Variants in MCTP1 observed in about 807,000 individuals in gnomAD.
MCTP1 encodes multiple C2 and transmembrane domain containing 1.
Under a neutral mutation model 120.6 loss-of-function variants are expected in MCTP1, and 69 were observed. The ratio of observed to expected loss-of-function variants is 0.57; its 90% CI spans 0.47 to 0.70. The LOEUF is 0.70. Ranked by LOEUF, MCTP1 falls within the 30% of genes least tolerant of loss-of-function variation. The pLI, the probability that MCTP1 is intolerant of heterozygous loss-of-function variation, is 0.00. For synonymous variants in MCTP1, 529 were observed against 493.1 expected (o/e 1.07, Z -0.96); for missense variants, 1,203 against 1,248.8 (o/e 0.96, Z 0.55).
At chr5:95,186,731 C>T (rs1189850208) in intron 1 of MCTP1, among the ~76,000 whole-genome samples, 3 of 152,158 alleles carry the variant, frequency 2.0e-5, no homozygotes, top group Non-Finnish European at 4.4e-5. Flanking sequence ...ACAGAAATCA[C>T]TCTGCCTTTT....
intron 1 of MCTP1, among the ~76,000 whole-genome samples, chr5:95,031,032 G>T (rs1392022393): frequency 1.3e-5 from 2 of 151,046 alleles, no homozygotes; most frequent in East Asian, 1.9e-4. Context: ...CCAAGCAAAA[G>T]AATGAATTTC....
chr5:95,114,433 G>A (rs1757672682), intron 1 of MCTP1, among the ~76,000 whole-genome samples: 1 of 152,182 alleles, frequency 6.6e-6, no homozygotes, highest in Non-Finnish European at 1.5e-5. Flanking sequence ...TGCCCTGAAG[G>A]GTGAGTAGCA....
At chr5:94,717,432 G>C (rs1196205218) in intron 19 of MCTP1, among the ~76,000 whole-genome samples, 1 of 152,098 alleles carries the variant, frequency 6.6e-6, no homozygotes, top group Non-Finnish European at 1.5e-5. Flanking sequence ...ATGGGCAAAA[G>C]CTGGTAGCAT....
intron 1 of MCTP1, among the ~76,000 whole-genome samples, chr5:95,089,996 C>G (rs957881680): frequency 6.6e-5 from 10 of 152,152 alleles, no homozygotes; most frequent in Admixed American, 3.9e-4. Flanking sequence ...GGCCTCTCCC[C>G]AGGGCCCCAT....
intron 19 of MCTP1, among the ~76,000 whole-genome samples, chr5:94,766,278 G>A (rs1772684603): frequency 6.6e-6 from 1 of 152,124 alleles, no homozygotes; most frequent in Admixed American, 6.5e-5. Flanking sequence ...CAACCCAAAT[G>A]TCCATCAATG....
At chr5:94,723,555 G>C (rs983361893) in intron 19 of MCTP1, among the ~76,000 whole-genome samples, 3 of 149,436 alleles carry the variant, frequency 2.0e-5, no homozygotes, top group Admixed American at 2.0e-4. Context: ...ACTTGGCAGA[G>C]TTTTTTTTTT....
At chr5:94,916,414 C>T (rs1179299219) in intron 8 of MCTP1, among the ~76,000 whole-genome samples, 1 of 152,074 alleles carries the variant, frequency 6.6e-6, no homozygotes, top group African/African-American at 2.4e-5. Context: ...ACTAACAACA[C>T]TTTTCTGTGT....
chr5:94,826,717 A>G (rs947589138), intron 17 of MCTP1: 1 of 464,740 alleles, frequency 2.2e-6, no homozygotes, highest in Non-Finnish European at 3.8e-6. Flanking sequence ...AAAAAGAGGA[A>G]GTTGACACAT....
rs185813481 is a variant in MCTP1 at position 95,211,628 on chromosome 5, C to G, written c.720+72228G>C. On this transcript the variant is annotated intron_variant, in intron 1 of 22. Transcript: ENST00000515393. Reference sequence around the variant, plus strand: ...CTTTGCCTTTGGTTTGAATTTCCTCCTGTAGCTCAGAGTAGTTTGATCATC... The same window carrying G: ...CTTTGCCTTTGGTTTGAATTTCCTCGTGTAGCTCAGAGTAGTTTGATCATC... Among the ~76,000 whole-genome samples the G allele has an allele frequency of 7.2e-5, 11 of 152,274 alleles. No individual in the cohort carries two copies. The East Asian group carries it at 1.9e-3, about 27-fold the overall frequency.
chr5:95,080,342 C>T (rs1313465710), intron 1 of MCTP1, among the ~76,000 whole-genome samples: 1 of 152,138 alleles, frequency 6.6e-6, no homozygotes, highest in Non-Finnish European at 1.5e-5. Context: ...GCAAAGGAAG[C>T]AGTATTCTCC....
chr5:95,058,723 T>C (rs1439967297), intron 1 of MCTP1, among the ~76,000 whole-genome samples: 1 of 152,218 alleles, frequency 6.6e-6, no homozygotes, highest in Non-Finnish European at 1.5e-5. Flanking sequence ...TCCCTTCCTG[T>C]GCCTTTCATT....
chr5:95,125,395 C>T (rs1331339956), intron 1 of MCTP1, among the ~76,000 whole-genome samples: 1 of 152,074 alleles, frequency 6.6e-6, no homozygotes, highest in Non-Finnish European at 1.5e-5. Flanking sequence ...AACTAACTGA[C>T]CTTAGCTGCC....
chr5:95,072,918 T>G (rs1375717395), intron 1 of MCTP1, among the ~76,000 whole-genome samples: 1 of 152,028 alleles, frequency 6.6e-6, no homozygotes, highest in Admixed American at 6.5e-5. Context: ...GCTAATTTTT[T>G]GTATTTTTAG....
chr5:94,814,077 G>T (rs1286887990), intron 17 of MCTP1, among the ~76,000 whole-genome samples: 1 of 152,172 alleles, frequency 6.6e-6, no homozygotes, highest in Non-Finnish European at 1.5e-5. Context: ...ATCCTCTGAG[G>T]TGATGGTTGT....
intron 1 of MCTP1, among the ~76,000 whole-genome samples, chr5:95,246,452 G>A (rs1332039174): frequency 1.3e-5 from 2 of 152,012 alleles, no homozygotes; most frequent in South Asian, 2.1e-4. Flanking sequence ...TAAAGGGATG[G>A]AGGAAGATAT....
At chr5:94,865,479 C>G (rs1231264367) in intron 17 of MCTP1, among the ~76,000 whole-genome samples, 1 of 151,628 alleles carries the variant, frequency 6.6e-6, no homozygotes, top group Admixed American at 6.6e-5. Context: ...CCAAGTAGAA[C>G]CGATATTATG....
At chr5:95,045,144 C>T (rs1191448816) in intron 1 of MCTP1, among the ~76,000 whole-genome samples, 1 of 152,126 alleles carries the variant, frequency 6.6e-6, no homozygotes, top group Admixed American at 6.6e-5. Context: ...AAACTCTTGT[C>T]CACTAGGAAC....
intron 1 of MCTP1, among the ~76,000 whole-genome samples, chr5:95,238,228 C>T (rs923618152): frequency 9.9e-5 from 15 of 152,128 alleles, no homozygotes; most frequent in Non-Finnish European, 2.2e-4. Context: ...TCTGACTCTC[C>T]GCTACCTGCA....
intron 1 of MCTP1, among the ~76,000 whole-genome samples, chr5:95,231,388 G>A (rs1204710841): frequency 6.6e-6 from 1 of 151,918 alleles, no homozygotes; most frequent in African/African-American, 2.4e-5. Context: ...ACAAACTGGG[G>A]TAACAGGAAT....
Sources: gnomAD v4.1 joint callset for allele counts (sites outside exome capture counted in the v4.1 genomes callset) on GRCh38, gnomAD v4.1.1 for gene constraint, MANE v1.5 for transcripts, NCBI Gene and HGNC (gene_info 2026-07-23, HGNC 2026-07-21) for gene names.